The following SLC25A21 variants were observed in gnomAD, a reference collection of about 807,000 sequenced individuals.
The protein encoded by SLC25A21 is solute carrier family 25 member 21.
SLC25A21 carries 47 observed loss-of-function variants against 43.8 expected under a neutral mutation model. The ratio of observed to expected loss-of-function variants is 1.07; its 90% CI spans 0.85 to 1.37. The LOEUF (loss-of-function observed/expected upper bound fraction) is 1.37. SLC25A21 is among the 40% of genes most tolerant of loss of function. SLC25A21 has a pLI of 0.00. For synonymous variants in SLC25A21, 131 were observed against 121.3 expected (o/e 1.08, Z -0.52); for missense variants, 352 against 350.2 (o/e 1.00, Z -0.04).
chr14:36,904,307 A>T (rs1441106298), intron 1 of SLC25A21, among the ~76,000 whole-genome samples: 1 of 152,234 alleles, frequency 6.6e-6, no homozygotes, highest in African/African-American at 2.4e-5. Context: ...AGGGCCATCT[A>T]GTTTTGTCTT....
intron 7 of SLC25A21, among the ~76,000 whole-genome samples, chr14:36,708,747 T>G (rs977977324): frequency 1.9e-4 from 20 of 106,720 alleles, no homozygotes; most frequent in East Asian, 1.6e-3. Flanking sequence ...AACGTTAGTT[T>G]TTTTTTTTTT....
rs117033664 is a variant in SLC25A21 at position 37,021,172 on chromosome 14, T to C, written c.71-146168A>G. On this transcript the variant is annotated intron_variant, in intron 1 of 9. Coordinates refer to ENST00000331299, the MANE Select transcript of SLC25A21 (RefSeq NM_030631.4). ...GTGGGCAAAGGACCGATTGTGATGA[T>C]GACTGCTGGATGCAAATAGGGTTCC... 1.5e-3 allele frequency among the ~76,000 whole-genome samples: 230 copies of C among 152,088 alleles called. 4 individuals are homozygous for C. In the East Asian group the frequency reaches 0.04, roughly 26 times the overall value.
At chr14:37,126,335 G>T (rs1963296674) in intron 1 of SLC25A21, among the ~76,000 whole-genome samples, 1 of 151,860 alleles carries the variant, frequency 6.6e-6, no homozygotes, top group Non-Finnish European at 1.5e-5. Flanking sequence ...AATGGTACTT[G>T]GCCAATATCA....
At chr14:36,767,192 A>G (rs752877465) in intron 3 of SLC25A21, among the ~76,000 whole-genome samples, 30 of 152,208 alleles carry the variant, frequency 2.0e-4, no homozygotes, top group Admixed American at 7.9e-4. Context: ...TTTTAAAGCT[A>G]TCTGGTATCT....
chr14:37,026,984 T>C (rs1004360287), intron 1 of SLC25A21, among the ~76,000 whole-genome samples: 77 of 152,200 alleles, frequency 5.1e-4, no homozygotes, highest in African/African-American at 1.8e-3. Flanking sequence ...ATTCTAAGAA[T>C]TTTTTTCCCA....
chr14:37,012,528 A>T (rs1168969603), intron 1 of SLC25A21, among the ~76,000 whole-genome samples: 2 of 152,194 alleles, frequency 1.3e-5, no homozygotes, highest in African/African-American at 4.8e-5. Context: ...AATAAATCTC[A>T]ATTATCACAG....
chr14:36,810,912 T>C (rs1226383512), intron 3 of SLC25A21, among the ~76,000 whole-genome samples: 3 of 94,418 alleles, frequency 3.2e-5, no homozygotes, highest in African/African-American at 9.8e-5. Flanking sequence ...CAGCATATGA[T>C]AGAGAAAAGA....
intron 1 of SLC25A21, among the ~76,000 whole-genome samples, chr14:37,094,122 G>A (rs545475250): frequency 6.6e-6 from 1 of 152,266 alleles, no homozygotes; most frequent in South Asian, 2.1e-4. Flanking sequence ...CTAAGCCCTA[G>A]ATAACATTGC....
intron 3 of SLC25A21, among the ~76,000 whole-genome samples, chr14:36,772,668 C>T (rs1177730905): frequency 2.0e-5 from 3 of 152,142 alleles, no homozygotes; most frequent in African/African-American, 2.4e-5. Flanking sequence ...ACATATGATT[C>T]GAATTTGAAC....
chr14:36,754,210 G>T (rs929970520), intron 3 of SLC25A21, among the ~76,000 whole-genome samples: 1 of 152,150 alleles, frequency 6.6e-6, no homozygotes, highest in Non-Finnish European at 1.5e-5. Context: ...CATAATGTGG[G>T]TGGGTCTCAT....
chr14:36,847,880 T>C (rs1889595249), intron 2 of SLC25A21, among the ~76,000 whole-genome samples: 2 of 152,028 alleles, frequency 1.3e-5, no homozygotes, highest in Non-Finnish European at 2.9e-5. Context: ...TTTGTTTCAT[T>C]GATAATTTCA....
chr14:36,844,277 C>T (rs1457295277), intron 2 of SLC25A21, among the ~76,000 whole-genome samples: 2 of 152,202 alleles, frequency 1.3e-5, no homozygotes, highest in Admixed American at 1.3e-4. Flanking sequence ...TAATTTACAG[C>T]TCCCCTTCAA....
At chr14:36,830,000 T>C (rs929820021) in intron 2 of SLC25A21, among the ~76,000 whole-genome samples, 1 of 152,098 alleles carries the variant, frequency 6.6e-6, no homozygotes, top group Non-Finnish European at 1.5e-5. Context: ...CGACTGTGTA[T>C]TGTGACCAGT....
intron 3 of SLC25A21, among the ~76,000 whole-genome samples, chr14:36,774,412 A>G (rs1363438481): frequency 6.6e-6 from 1 of 152,174 alleles, no homozygotes; most frequent in Non-Finnish European, 1.5e-5. Flanking sequence ...CAAAAAGTTT[A>G]TTTCTCAGTA....
At chr14:36,907,153 A>G (rs1190960636) in intron 1 of SLC25A21, among the ~76,000 whole-genome samples, 5 of 152,210 alleles carry the variant, frequency 3.3e-5, no homozygotes, top group African/African-American at 9.6e-5. Flanking sequence ...ACCAAAATCA[A>G]TAAGGACCTA....
intron 2 of SLC25A21, among the ~76,000 whole-genome samples, chr14:36,869,708 C>T (rs543695849): frequency 1.4e-4 from 21 of 152,208 alleles, no homozygotes; most frequent in African/African-American, 5.1e-4. Context: ...GGAGAGTGGC[C>T]CCATACCAGA....
chr14:36,947,625 G>GAC (rs1292092814), intron 1 of SLC25A21, among the ~76,000 whole-genome samples: 1 of 152,046 alleles, frequency 6.6e-6, no homozygotes, highest in African/African-American at 2.4e-5. Flanking sequence ...CCCATATATA[G>GAC]ACACACACAT....
intron 2 of SLC25A21, among the ~76,000 whole-genome samples, chr14:36,862,421 A>G (rs1196147994): frequency 3.9e-5 from 6 of 152,234 alleles, no homozygotes; most frequent in Non-Finnish European, 7.3e-5. Context: ...ATGGAATACT[A>G]TGCAGCCATA....
chr14:36,776,134 C>A (rs1428028581), intron 3 of SLC25A21, among the ~76,000 whole-genome samples: 1 of 151,178 alleles, frequency 6.6e-6, no homozygotes, highest in Non-Finnish European at 1.5e-5. Flanking sequence ...TTTTTGTACT[C>A]TTGGTACATT....
Sources: gnomAD v4.1 joint callset for allele counts (sites outside exome capture counted in the v4.1 genomes callset) on GRCh38, gnomAD v4.1.1 for gene constraint, MANE v1.5 for transcripts, NCBI Gene and HGNC (gene_info 2026-07-23, HGNC 2026-07-21) for gene names.